FSTL5: variants seen among roughly 807,000 people sequenced by gnomAD.
FSTL5 encodes follistatin like 5, also known as follistatin-related protein 5.
A neutral mutation model predicts 89.1 loss-of-function variants in FSTL5; 62 were observed. That is an observed-to-expected ratio of 0.70 (90% confidence interval 0.57 to 0.86). The LOEUF (loss-of-function observed/expected upper bound fraction) is 0.86. FSTL5 is among the 40% of genes least tolerant of loss of function. FSTL5 has a pLI of 0.00. For synonymous variants in FSTL5, 383 were observed against 346.2 expected, an observed-to-expected ratio of 1.11 and a Z score of -1.18; for missense variants, 1,057 against 1,001.6, an observed-to-expected ratio of 1.06 and a Z score of -0.75.
intron 4 of FSTL5, among the ~76,000 whole-genome samples, chr4:161,818,418 G>C (rs1246111237): frequency 1.3e-5 from 2 of 152,202 alleles, no homozygotes; most frequent in Non-Finnish European, 2.9e-5. Flanking sequence ...CTGTCCTTGA[G>C]ACAAGGTAGA....
At chr4:161,499,872 A>G (rs1396916692) in intron 12 of FSTL5, 144 bp downstream of exon 12, 2 of 598,002 alleles carry the variant, frequency 3.3e-6, no homozygotes, top group East Asian at 6.2e-5. Flanking sequence ...AAACCTAAAA[A>G]GAATAACACC....
At chr4:161,572,754 G>T (rs1450330664) in intron 8 of FSTL5, among the ~76,000 whole-genome samples, 2 of 152,130 alleles carry the variant, frequency 1.3e-5, no homozygotes, top group African/African-American at 4.8e-5. Context: ...CCTCAAGAGA[G>T]AAGATGTCTG....
In FSTL5 at chr4:161,679,207, AT is replaced by A. The variant is rs367713623; in HGVS notation, c.728-22714del. Reference sequence around the variant, plus strand: ...TTAAAGAAGAAGAAATAAAATAAATATTGCAAAAGCATTGGAAATTAATATA... The same window carrying A: ...TTAAAGAAGAAGAAATAAAATAAATATGCAAAAGCATTGGAAATTAATATA... On this transcript the variant is annotated intron_variant, in intron 6 of 15. Transcript: ENST00000306100. Among the ~76,000 whole-genome samples, 888 of 151,860 alleles carry A rather than the reference AT, an allele frequency of 5.8e-3. 4 individuals carry two copies. Among genetic ancestry groups the A allele is most frequent in the Non-Finnish European group, 9.5e-3 (640 of 67,688 alleles).
intron 2 of FSTL5, among the ~76,000 whole-genome samples, chr4:162,067,864 A>G (rs1395164762): frequency 6.6e-6 from 1 of 152,080 alleles, no homozygotes; most frequent in Non-Finnish European, 1.5e-5. Flanking sequence ...CAGGATAAAA[A>G]ATCAATGTGG....
chr4:161,768,516 A>C (rs2126797637), intron 5 of FSTL5, among the ~76,000 whole-genome samples: 1 of 152,130 alleles, frequency 6.6e-6, no homozygotes, highest in African/African-American at 2.4e-5. Context: ...CAAGGCTCTT[A>C]TATTCTATAC....
intron 6 of FSTL5, among the ~76,000 whole-genome samples, chr4:161,689,343 T>C (rs906502195): frequency 1.6e-4 from 25 of 152,132 alleles, no homozygotes; most frequent in African/African-American, 5.5e-4. Flanking sequence ...TCCAGGACAG[T>C]AGGCAATAGT....
At chr4:161,503,931 T>G (rs1730388304) in intron 11 of FSTL5, among the ~76,000 whole-genome samples, 1 of 151,858 alleles carries the variant, frequency 6.6e-6, no homozygotes, top group Admixed American at 6.6e-5. Flanking sequence ...CATTCACATT[T>G]TTTCTTGTAT....
intron 4 of FSTL5, among the ~76,000 whole-genome samples, chr4:161,792,340 G>A (rs759897776): frequency 5.9e-5 from 9 of 152,102 alleles, no homozygotes; most frequent in East Asian, 1.9e-4. Flanking sequence ...TAGGCGCCCC[G>A]CAGCATGAAT....
intron 15 of FSTL5, among the ~76,000 whole-genome samples, chr4:161,403,270 T>C (rs938217395): frequency 2.6e-5 from 4 of 152,194 alleles, no homozygotes; most frequent in African/African-American, 9.6e-5. Flanking sequence ...GCCACTAGAA[T>C]TTTTTGCTGC....
At chr4:161,655,314 T>G (rs1226303964) in intron 7 of FSTL5, among the ~76,000 whole-genome samples, 1 of 152,042 alleles carries the variant, frequency 6.6e-6, no homozygotes, top group Non-Finnish European at 1.5e-5. Context: ...ACCTACTCAT[T>G]TATTGAGAAA....
intron 7 of FSTL5, among the ~76,000 whole-genome samples, chr4:161,608,387 A>T: frequency 6.6e-6 from 1 of 152,102 alleles, no homozygotes; most frequent in East Asian, 1.9e-4. Flanking sequence ...GTGACTGGTA[A>T]ATTTAAGATG....
intron 6 of FSTL5, among the ~76,000 whole-genome samples, chr4:161,724,189 CA>C: frequency 6.6e-6 from 1 of 151,912 alleles, no homozygotes; most frequent in East Asian, 1.9e-4. Context: ...TGAATATTTA[CA>C]AAAACTAAAA....
chr4:161,584,885 C>T (rs1462357547), intron 8 of FSTL5, among the ~76,000 whole-genome samples: 1 of 152,100 alleles, frequency 6.6e-6, no homozygotes, highest in African/African-American at 2.4e-5. Flanking sequence ...TGGAAAGAAA[C>T]TGGTTTTGCT....
chr4:161,487,678 G>GCT (rs565894139), intron 12 of FSTL5, among the ~76,000 whole-genome samples: 3 of 151,514 alleles, frequency 2.0e-5, no homozygotes, highest in Admixed American at 1.3e-4. Context: ...TTATTCTAGC[G>GCT]CTCTCTCTCT....
At chr4:161,656,603 A>T in intron 6 of FSTL5, 109 bp from the exon 7 acceptor site, 6 of 577,850 alleles carry the variant, frequency 1.0e-5, no homozygotes, top group Non-Finnish European at 1.6e-5. Context: ...AATAAAAGGG[A>T]AAAAAGCTTG....
At chr4:161,411,348 A>T (rs76446992) in intron 15 of FSTL5, among the ~76,000 whole-genome samples, 2,314 of 152,068 alleles carry the variant, frequency 0.015, 54 homozygotes, top group African/African-American at 0.053. Context: ...AGCCAGTATC[A>T]GCCTGACAAC....
At chr4:162,059,836 T>A (rs1323473315) in intron 2 of FSTL5, among the ~76,000 whole-genome samples, 1 of 152,052 alleles carries the variant, frequency 6.6e-6, no homozygotes, top group African/African-American at 2.4e-5. Flanking sequence ...GGTTATGAGA[T>A]CAGAAACTGA....
At chr4:161,532,071 G>T (rs1731430694) in intron 10 of FSTL5, among the ~76,000 whole-genome samples, 1 of 151,940 alleles carries the variant, frequency 6.6e-6, no homozygotes, top group Non-Finnish European at 1.5e-5. Context: ...CGGGCGTGGT[G>T]GTGGGCGCCT....
Position 161,865,298 on chromosome 4 carries a change from A to G in FSTL5, c.409+55106T>C, listed in dbSNP as rs139258249. 3.3e-3 allele frequency among the ~76,000 whole-genome samples: 501 copies of G among 152,364 alleles called. 6 individuals are homozygous for G. Among genetic ancestry groups the G allele is most frequent in the African/African-American group, 0.011 (467 of 41,596 alleles). ...CTACAGAGAAATAATTGTAAAAACTATGGGGAAAAGTCCACATATCCCTTA... is the reference window on the plus strand; with the variant it reads ...CTACAGAGAAATAATTGTAAAAACTGTGGGGAAAAGTCCACATATCCCTTA... On this transcript the variant is annotated intron_variant, in intron 4 of 15. Transcript: ENST00000306100.
Sources: allele counts gnomAD v4.1 joint callset (sites outside exome capture counted in the v4.1 genomes callset), GRCh38; gene constraint gnomAD v4.1.1; transcripts MANE v1.5; gene names NCBI Gene and HGNC (gene_info 2026-07-23, HGNC 2026-07-21).